Variants in SLC13A3 observed in about 807,000 individuals in gnomAD.
The protein encoded by SLC13A3 is solute carrier family 13 member 3, also known as Na(+)/dicarboxylate cotransporter 3.
SLC13A3 carries 40 observed loss-of-function variants against 59.0 expected under a neutral mutation model. The observed-to-expected ratio is 0.68, with a 90% CI of 0.53 to 0.88. The LOEUF (loss-of-function observed/expected upper bound fraction) is 0.88, where lower values mean the gene tolerates loss of function less well. SLC13A3 is among the 40% of genes least tolerant of loss of function. The pLI is 0.00. For missense variants in SLC13A3, 699 were observed against 783.2 expected (o/e 0.89, Z 1.28); for synonymous variants, 317 against 330.3 (o/e 0.96, Z 0.44).
upstream of SLC13A3, among the ~76,000 whole-genome samples, chr20:46,655,484 T>C (rs1466994335): frequency 6.8e-6 from 1 of 147,548 alleles, no homozygotes; most frequent in Non-Finnish European, 1.5e-5. Context: ...TGTATATATA[T>C]GTGTGTGTGT....
chr20:46,577,749 C>T (rs999271836), intron 9 of SLC13A3, among the ~76,000 whole-genome samples: 4 of 152,218 alleles, frequency 2.6e-5, no homozygotes, highest in African/African-American at 9.7e-5. Flanking sequence ...TGATACCAGC[C>T]GACTGTCTAC....
At chr20:46,626,762 TG>T (rs952371028) in intron 1 of SLC13A3, among the ~76,000 whole-genome samples, 1 of 138,020 alleles carries the variant, frequency 7.2e-6, no homozygotes, top group African/African-American at 2.7e-5. Context: ...CCAGGGGACT[TG>T]GAGGCAGGGA....
chr20:46,587,006 G>T (rs1368443712), intron 8 of SLC13A3, among the ~76,000 whole-genome samples: 3 of 152,310 alleles, frequency 2.0e-5, no homozygotes, highest in Non-Finnish European at 4.4e-5. Context: ...TGTATTACAA[G>T]ACGTTGTCTT....
intron 8 of SLC13A3, among the ~76,000 whole-genome samples, chr20:46,587,807 C>T (rs2062209105): frequency 6.6e-6 from 1 of 152,192 alleles, no homozygotes. Flanking sequence ...TCGTAAGTGG[C>T]AGAGCTAGAA....
chr20:46,595,151 C>A (rs1390263176), intron 5 of SLC13A3, among the ~76,000 whole-genome samples: 1 of 152,160 alleles, frequency 6.6e-6, no homozygotes, highest in East Asian at 1.9e-4. Flanking sequence ...TGAACCTATG[C>A]TACATCTCCA....
chr20:46,580,653 T>C (rs2062127206), intron 9 of SLC13A3, among the ~76,000 whole-genome samples: 1 of 151,866 alleles, frequency 6.6e-6, no homozygotes, highest in South Asian at 2.1e-4. Context: ...GCTCAGACAA[T>C]ATAGGACCTT....
At chr20:46,596,111 G>A in intron 5 of SLC13A3, 46 bp downstream of exon 5, 1 of 1,556,534 alleles carries the variant, frequency 6.4e-7, no homozygotes, top group South Asian at 1.2e-5. Flanking sequence ...GGGAAGAGGA[G>A]GGGAGGAGCA....
At chr20:46,611,655 C>A (rs759944559) in intron 2 of SLC13A3, among the ~76,000 whole-genome samples, 17 of 152,176 alleles carry the variant, frequency 1.1e-4, no homozygotes, top group Non-Finnish European at 1.9e-4. Flanking sequence ...CCAATCTGTT[C>A]ATCTCCACTG....
intron 12 of SLC13A3, among the ~76,000 whole-genome samples, chr20:46,561,651 T>G (rs891460263): frequency 9.9e-4 from 139 of 140,614 alleles, no homozygotes; most frequent in African/African-American, 3.4e-3. Context: ...CTTATTCAAG[T>G]TTTTTTTTGT....
chr20:46,661,039 T>G lies in SLC13A3; in HGVS notation c.-31+9004A>C, dbSNP rs765594518. Among the ~76,000 whole-genome samples the G allele has an allele frequency of 5.0e-4, 76 of 152,222 alleles. 1 individual carries two copies. The highest frequency in any genetic ancestry group is 2.8e-4 in the Non-Finnish European group (19 of 68,040). On this transcript the variant is annotated intron_variant, in intron 1 of 12. Transcript: ENST00000290317. ...TGTTTATGCATGTTGTTCTTTAGAT[T>G]CTTTCATTTTTAGAATTTTGTTGTA...
chr20:46,643,397 T>C (rs533353810), intron 1 of SLC13A3, among the ~76,000 whole-genome samples: 1 of 152,092 alleles, frequency 6.6e-6, no homozygotes, highest in Admixed American at 6.5e-5. Flanking sequence ...CGGAGATCAA[T>C]GAAGGGAAGG....
intron 6 of SLC13A3, among the ~76,000 whole-genome samples, chr20:46,591,330 G>A (rs958681464): frequency 1.7e-4 from 26 of 152,212 alleles, no homozygotes; most frequent in Admixed American, 1.6e-3. Context: ...GGAGGATATC[G>A]TGGCAGAAGA....
chr20:46,647,127 C>T lies in SLC13A3; in HGVS notation c.111+4184G>A, dbSNP rs76405216. 9.5e-3 allele frequency among the ~76,000 whole-genome samples: 1,452 copies of T among 152,222 alleles called. 10 individuals are homozygous for T. The highest frequency in any genetic ancestry group is 0.014 in the Middle Eastern group (4 of 294). ...GTGGATCCAGCTGTGCACCAGGGTG[C>T]ACAGCTTGGCATGTGGAATGCAGGC... On this transcript the variant is annotated intron_variant, in intron 1 of 12. Coordinates refer to ENST00000279027, the MANE Select transcript of SLC13A3 (RefSeq NM_022829.6).
chr20:46,600,700 G>T, intron 3 of SLC13A3: 1 of 368,744 alleles, frequency 2.7e-6, no homozygotes. Context: ...AGTATTTATT[G>T]AGCACCTACT....
At chr20:46,597,626 A>G (rs991544831) in intron 4 of SLC13A3, among the ~76,000 whole-genome samples, 6 of 152,066 alleles carry the variant, frequency 3.9e-5, no homozygotes, top group South Asian at 2.1e-4. Flanking sequence ...TAGTAGAGAC[A>G]GGGTTTCACC....
chr20:46,563,131 G>A (rs1161289509), intron 12 of SLC13A3, among the ~76,000 whole-genome samples: 5 of 152,130 alleles, frequency 3.3e-5, no homozygotes, highest in Non-Finnish European at 7.4e-5. Context: ...TCTCTCCCCC[G>A]AAGATTCTGG....
At chr20:46,640,294 G>A (rs911401845) in intron 1 of SLC13A3, among the ~76,000 whole-genome samples, 1 of 152,128 alleles carries the variant, frequency 6.6e-6, no homozygotes, top group African/African-American at 2.4e-5. Flanking sequence ...CAGAGGGCTG[G>A]TAAGGTCCTG....
At chr20:46,615,392 G>A (rs2062545243) in intron 1 of SLC13A3, among the ~76,000 whole-genome samples, 1 of 152,112 alleles carries the variant, frequency 6.6e-6, no homozygotes, top group Admixed American at 6.5e-5. Flanking sequence ...CAGGTTACGT[G>A]GGGGATGCTA....
intron 3 of SLC13A3, chr20:46,608,880 G>T: frequency 6.5e-7 from 1 of 1,548,640 alleles, no homozygotes; most frequent in Non-Finnish European, 8.7e-7. Context: ...CCTGTCTTTG[G>T]GTCCCAGGTG....
Sources: gnomAD v4.1 joint callset for allele counts (sites outside exome capture counted in the v4.1 genomes callset) on GRCh38, gnomAD v4.1.1 for gene constraint, MANE v1.5 for transcripts, NCBI Gene and HGNC (gene_info 2026-07-23, HGNC 2026-07-21) for gene names.